The following PCDHGA12 variants were observed in gnomAD, a reference collection of about 807,000 sequenced individuals.
PCDHGA12 encodes protocadherin gamma subfamily A, 12.
A neutral mutation model predicts 61.1 loss-of-function variants in PCDHGA12; 43 were observed. The ratio of observed to expected loss-of-function variants is 0.70; its 90% CI spans 0.55 to 0.91. PCDHGA12 has a LOEUF of 0.91. Ranked by LOEUF, PCDHGA12 falls within the 40% of genes least tolerant of loss-of-function variation. The pLI is 0.00. For synonymous variants in PCDHGA12, 520 were observed against 542.9 expected, an observed-to-expected ratio of 0.96 and a Z score of 0.59; for missense variants, 1,236 against 1,227.7, an observed-to-expected ratio of 1.01 and a Z score of -0.10.
intron 3 of PCDHGA12, among the ~76,000 whole-genome samples, 193 bp downstream of exon 3, chr5:141,505,674 G>C (rs1482125302): frequency 6.6e-6 from 1 of 152,192 alleles, no homozygotes; most frequent in East Asian, 1.9e-4. Context: ...GGGGTTGGGG[G>C]TCCTGGGATG....
At chr5:141,483,745 T>C (rs1288301129) in intron 1 of PCDHGA12, among the ~76,000 whole-genome samples, 1 of 152,130 alleles carries the variant, frequency 6.6e-6, no homozygotes, top group Non-Finnish European at 1.5e-5. Flanking sequence ...AGGATATTCC[T>C]GAGGATCGAG....
rs375127524 is a variant in PCDHGA12 at position 141,490,702 on chromosome 5, C to T, written c.2425-4105C>T. ...AGATCCAGACACTGGGGATAATGCC[C>T]GCCTCACCTACTCCATTGTAGGAAA... On this transcript the variant is annotated intron_variant, in intron 1 of 3. Coordinates refer to ENST00000252085, the MANE Select transcript of PCDHGA12 (RefSeq NM_003735.3). The surrounding 1 kb of genome is among the most constrained non-coding windows in gnomAD (Gnocchi z 5.4). 36 of 1,614,060 alleles carry T rather than the reference C, an allele frequency of 2.2e-5. No homozygotes were observed. Among genetic ancestry groups the T allele is most frequent in the South Asian group, 7.7e-5 (7 of 91,090 alleles).
Position 141,486,170 on chromosome 5 carries a change from C to A in PCDHGA12, c.2425-8637C>A. ...TGGGGGTTCTCCAGCCATGGAGCAACATTGCAGCCTTCGAGTGGATCTGCT... is the reference window on the plus strand; with the variant it reads ...TGGGGGTTCTCCAGCCATGGAGCAAAATTGCAGCCTTCGAGTGGATCTGCT... On this transcript the variant is annotated intron_variant, in intron 1 of 3. Coordinates refer to ENST00000252085, the MANE Select transcript of PCDHGA12 (RefSeq NM_003735.3). This position sits in a 1 kb window ranked among gnomAD's most constrained non-coding sequence, Gnocchi z 5.0. 6.2e-7 allele frequency: 1 copy of A among 1,614,234 alleles called. No homozygotes were observed. Among genetic ancestry groups the A allele is most frequent in the African/African-American group, 1.3e-5 (1 of 75,052 alleles).
At chr5:141,455,185 T>C (rs1334330699) in intron 1 of PCDHGA12, among the ~76,000 whole-genome samples, 1 of 152,064 alleles carries the variant, frequency 6.6e-6, no homozygotes, top group Admixed American at 6.6e-5. Flanking sequence ...TTTTTATTTC[T>C]CTACAAATTT....
chr5:141,473,479 G>A (rs1417960508), intron 1 of PCDHGA12, among the ~76,000 whole-genome samples: 1 of 152,118 alleles, frequency 6.6e-6, no homozygotes, highest in Non-Finnish European at 1.5e-5. Flanking sequence ...AAGTTCAATG[G>A]AAAAAATATA....
chr5:141,434,920 A>C (rs927245955), intron 1 of PCDHGA12, among the ~76,000 whole-genome samples: 1 of 151,796 alleles, frequency 6.6e-6, no homozygotes. Flanking sequence ...ATTTATGTAC[A>C]TATATTTTAT....
At chr5:141,447,182 C>G (rs1205769161) in intron 1 of PCDHGA12, among the ~76,000 whole-genome samples, 1 of 152,126 alleles carries the variant, frequency 6.6e-6, no homozygotes, top group Non-Finnish European at 1.5e-5. Flanking sequence ...TCTTGTCGCG[C>G]AGGCTGGAGT....
Position 141,454,796 on chromosome 5 carries a change from A to ATTT in PCDHGA12, c.2424+21640_2424+21642dup, listed in dbSNP as rs61612330. 3.3e-3 allele frequency among the ~76,000 whole-genome samples: 253 copies of ATTT among 77,450 alleles called. 31 individuals carry two copies. The highest frequency in any genetic ancestry group is 0.02 in the South Asian group (39 of 1,960). The allele number at this position is 77,450 out of a possible 152,430, so 50.8% of individuals were successfully genotyped here. ...AAGGAAATAATCCTCCATGGTTCTA[A>ATTT]TTTTTTTTTTTTTTTTTTTTTTTTT... On this transcript the variant is annotated intron_variant, in intron 1 of 3. Coordinates refer to ENST00000252085, the MANE Select transcript of PCDHGA12 (RefSeq NM_003735.3).
chr5:141,467,993 C>A (rs984508296), intron 1 of PCDHGA12, among the ~76,000 whole-genome samples: 1 of 152,058 alleles, frequency 6.6e-6, no homozygotes, highest in Admixed American at 6.6e-5. Context: ...AACCACAATT[C>A]TTTCTTCCTC....
chr5:141,463,814 C>T (rs1359662651), intron 1 of PCDHGA12, among the ~76,000 whole-genome samples: 7 of 152,188 alleles, frequency 4.6e-5, no homozygotes, highest in African/African-American at 1.7e-4. Flanking sequence ...GCTTTTATCA[C>T]ACATTTTGAT....
At chr5:141,506,462 AAAAG>A (rs1396142744) in intron 3 of PCDHGA12, among the ~76,000 whole-genome samples, 1 of 151,856 alleles carries the variant, frequency 6.6e-6, no homozygotes, top group African/African-American at 2.4e-5. Flanking sequence ...AAAAAAAAAA[AAAAG>A]AGCACAGGCT....
At chr5:141,478,488 G>A in intron 1 of PCDHGA12, 1 of 1,613,320 alleles carries the variant, frequency 6.2e-7, no homozygotes, top group Non-Finnish European at 8.5e-7. Context: ...ACGCTGCGGA[G>A]CTGTGATCCG....
rs2099606506 is a variant in PCDHGA12 at position 141,485,072 on chromosome 5, G to A, written c.2425-9735G>A. ...CCGGCCGAACCGCGCCAGAGCTGGC[G>A]CGGGGAAAGGGAGATAGGTGTCTCC... On this transcript the variant is annotated intron_variant, in intron 1 of 3. Transcript: ENST00000252085. This position sits in a 1 kb window ranked among gnomAD's most constrained non-coding sequence, Gnocchi z 5.7. 2 of 916,892 alleles carry A rather than the reference G, an allele frequency of 2.2e-6. No homozygotes were observed. The highest frequency in any genetic ancestry group is 3.4e-6 in the Non-Finnish European group (2 of 587,886). The allele number at this position is 916,892 out of a possible 1,614,324, so 56.8% of individuals were successfully genotyped here.
intron 2 of PCDHGA12, among the ~76,000 whole-genome samples, chr5:141,499,265 C>T (rs1220250999): frequency 6.6e-6 from 1 of 152,128 alleles, no homozygotes; most frequent in African/African-American, 2.4e-5. Context: ...CATTTGGTCC[C>T]TAGACTGTTC....
At chr5:141,502,404 C>A (rs1270930372) in intron 2 of PCDHGA12, among the ~76,000 whole-genome samples, 1 of 151,880 alleles carries the variant, frequency 6.6e-6, no homozygotes, top group Non-Finnish European at 1.5e-5. Flanking sequence ...TGTCCCCGAA[C>A]CTGGATTTGC....
rs189767695 is a variant in PCDHGA12, at chr5:141,497,247, T to C, written c.2483+2382T>C. Among the ~76,000 whole-genome samples the C allele has an allele frequency of 2.0e-5, 3 of 151,456 alleles. No individual in the cohort carries two copies. The East Asian group carries it at 5.8e-4, about 29-fold the overall frequency. ...ATCAGAGAAGGCTTCTAGGAGGAGGTGACATTGAGAAGTTCTAGGCCATTT... is the reference window on the plus strand; with the variant it reads ...ATCAGAGAAGGCTTCTAGGAGGAGGCGACATTGAGAAGTTCTAGGCCATTT... On this transcript the variant is annotated intron_variant, in intron 2 of 3. Transcript: ENST00000252085.
chr5:141,450,832 T>A (rs192186566), intron 1 of PCDHGA12, among the ~76,000 whole-genome samples: 5,292 of 142,276 alleles, frequency 0.037, 115 homozygotes, highest in Middle Eastern at 0.096. Flanking sequence ...TATTATTATT[T>A]TTTTTTTTTT....
At chr5:141,467,455 GCTAGTA>G (rs2099144342) in intron 1 of PCDHGA12, among the ~76,000 whole-genome samples, 1 of 152,192 alleles carries the variant, frequency 6.6e-6, no homozygotes, top group African/African-American at 2.4e-5. Context: ...TTCTTCCAGT[GCTAGTA>G]CTTGCATGGT....
In PCDHGA12 at chr5:141,490,745, C is replaced by T. The variant is rs769031787; in HGVS notation, c.2425-4062C>T. 22 of 1,614,120 alleles carry T rather than the reference C, an allele frequency of 1.4e-5. No individual in the cohort carries two copies. Among genetic ancestry groups the T allele is most frequent in the Non-Finnish European group, 1.9e-5 (22 of 1,180,050 alleles). On this transcript the variant is annotated intron_variant, in intron 1 of 3. Transcript: ENST00000252085. The surrounding 1 kb of genome is among the most constrained non-coding windows in gnomAD (Gnocchi z 5.4). Reference sequence around the variant, plus strand: ...GTAGGAAATCAGGTTCAGGGAGCCCCAGCCTCCTCCTTTGTGTATGTCAAC... The same window carrying T: ...GTAGGAAATCAGGTTCAGGGAGCCCTAGCCTCCTCCTTTGTGTATGTCAAC...
Sources: gnomAD v4.1 joint callset for allele counts (sites outside exome capture counted in the v4.1 genomes callset) on GRCh38, gnomAD v4.1.1 for gene constraint, Gnocchi (gnomAD v3.1) non-coding constraint, MANE v1.5 for transcripts, NCBI Gene and HGNC (gene_info 2026-07-23, HGNC 2026-07-21) for gene names.